Variants in NFS1 observed in about 807,000 individuals in gnomAD.
The protein encoded by NFS1 is NFS1 cysteine desulfurase, also known as cysteine desulfurase.
A neutral mutation model predicts 57.3 loss-of-function variants in NFS1; 26 were observed. The ratio of observed to expected loss-of-function variants is 0.45; its 90% CI spans 0.33 to 0.63. NFS1 has a LOEUF of 0.63. Among genes scored for constraint, NFS1 ranks in the 20% least tolerant of loss-of-function variants. The pLI, the probability that NFS1 is intolerant of heterozygous loss-of-function variation, is 0.02. For missense variants in NFS1, 505 were observed against 605.8 expected (o/e 0.83, Z 1.75); for synonymous variants, 209 against 216.3 (o/e 0.97, Z 0.30).
In NFS1 at chr20:35,699,179, G is replaced by A. The variant is rs1243017119; in HGVS notation, c.97+13C>T. 6 of 1,397,998 alleles carry A rather than the reference G, an allele frequency of 4.3e-6. No individual in the cohort carries two copies. Among genetic ancestry groups the A allele is most frequent in the Non-Finnish European group, 5.5e-6 (6 of 1,086,174 alleles). The allele number at this position is 1,397,998 out of a possible 1,614,324, so 86.6% of individuals were successfully genotyped here. On this transcript the variant is annotated intron_variant, in intron 1 of 12. Coordinates refer to ENST00000374092, the MANE Select transcript of NFS1 (RefSeq NM_021100.5). This position sits in a 1 kb window ranked among gnomAD's most constrained non-coding sequence, Gnocchi z 4.4. The stretch of plus-strand genomic sequence containing the variant: ...CAGGTCCGCGCCTCCCGGAGAGCGG[G>A]ACCCGAGCGTACCGCGCAGGCGCAG...
intron 4 of NFS1, among the ~76,000 whole-genome samples, chr20:35,694,390 C>A (rs767713676): frequency 6.6e-6 from 1 of 152,046 alleles, no homozygotes; most frequent in Non-Finnish European, 1.5e-5. Flanking sequence ...GATGATCTGC[C>A]GGTCTCAGCC....
chr20:35,669,914 A>G, intron 12 of NFS1, among the ~76,000 whole-genome samples: 1 of 152,192 alleles, frequency 6.6e-6, no homozygotes. Flanking sequence ...AGGAATAACT[A>G]GGTTCCTCAG....
At chr20:35,680,948 T>G (rs537953004) in intron 6 of NFS1, 77 bp from the exon 7 acceptor site, 2 of 1,154,314 alleles carry the variant, frequency 1.7e-6, no homozygotes, top group African/African-American at 3.7e-5. Context: ...CACTGTGAAT[T>G]ATCTCCAATA....
intron 5 of NFS1, among the ~76,000 whole-genome samples, chr20:35,684,440 TA>T (rs2034905207): frequency 7.4e-6 from 1 of 135,548 alleles, no homozygotes; most frequent in African/African-American, 2.9e-5. Context: ...TAAAATAAAA[TA>T]AAATAAAATA....
chr20:35,671,807 T>C (rs1024907334), intron 12 of NFS1, among the ~76,000 whole-genome samples: 1 of 151,780 alleles, frequency 6.6e-6, no homozygotes, highest in African/African-American at 2.4e-5. Context: ...GGAGGATCAC[T>C]TGAGCTTGGG....
chr20:35,698,612 T>C (rs1255489363), intron 1 of NFS1, 22 bp from the exon 2 acceptor site: 10 of 1,575,470 alleles, frequency 6.3e-6, no homozygotes, highest in South Asian at 4.7e-5. Context: ...TGGAACGGAG[T>C]AGCCAAGTAA....
chr20:35,691,669 A>G lies in NFS1; in HGVS notation c.409-1104T>C, dbSNP rs2035042245. Among the ~76,000 whole-genome samples, 5 of 140,034 alleles carry G rather than the reference A, an allele frequency of 3.6e-5. No individual in the cohort carries two copies. The Admixed American group carries it at 3.9e-4, about 11-fold the overall frequency. The allele number at this position is 140,034 out of a possible 152,430, so 91.9% of individuals were successfully genotyped here. ...GGGAGGGGAATCACTTGAAATCAGG[A>G]GGCAGAGGTTGCAGTGAGCCAAGAG... is the stretch of plus-strand genomic sequence containing the variant. On this transcript the variant is annotated intron_variant, in intron 4 of 12. Coordinates refer to ENST00000374092, the MANE Select transcript of NFS1 (RefSeq NM_021100.5).
intron 7 of NFS1, among the ~76,000 whole-genome samples, chr20:35,677,333 A>T (rs2034769785): frequency 6.6e-6 from 1 of 152,012 alleles, no homozygotes; most frequent in Admixed American, 6.6e-5. Flanking sequence ...GAAGTTTGGG[A>T]CCAGCCTGAG....
Position 35,675,126 on chromosome 20 carries a change from C to G in NFS1, c.867G>C (p.Arg289=), listed in dbSNP as rs757439632. The part of the protein sequence containing the change: ...EALQSGGGQE[R]GMRSGTVPTP... ...TGGGCACTGTCCCAGACCGCATACC[C>G]CGCTCCTGCCCCCCTCCACTCTGCA... The change falls in exon 8 of 13, where the codon CGG becomes CGC. Residue 289 remains arginine, a synonymous_variant. Coordinates refer to ENST00000374092, the MANE Select transcript of NFS1 (RefSeq NM_021100.5). The G allele has an allele frequency of 1.2e-6, 2 of 1,614,030 alleles. No homozygotes were observed. The highest frequency in any genetic ancestry group is 8.5e-7 in the Non-Finnish European group (1 of 1,180,016).
In NFS1 at chr20:35,668,246, A is replaced by G. The variant is rs913215537; in HGVS notation, c.*1376T>C. The stretch of plus-strand genomic sequence containing the variant: ...CCAAACTTTAGCCCAGTGGCTTTCA[A>G]ACTTTCCTGTCCCCCTGCTACTGGC... On this transcript the variant is annotated 3_prime_UTR_variant, in exon 13 of 13. Coordinates refer to ENST00000374092, the MANE Select transcript of NFS1 (RefSeq NM_021100.5). 4 of 152,144 alleles carry G rather than the reference A, an allele frequency of 2.6e-5. No homozygotes were observed. Among genetic ancestry groups the G allele is most frequent in the African/African-American group, 9.7e-5 (4 of 41,418 alleles). The allele number at this position is 152,144 out of a possible 1,614,324, so 9.4% of individuals were successfully genotyped here. A position where few individuals can be genotyped will look rare whatever the true frequency, so the allele number is the denominator to read the frequency against.
Position 35,698,566 on chromosome 20 carries a change from G to A in NFS1, c.122C>T (p.Ala41Val). The change falls in exon 2 of 13, where the codon GCG becomes GTG. Residue 41 changes from alanine to valine, a missense_variant. Transcript: ENST00000374092. ...LRVGDRAPQS[A>V]VPADTAAAPE... ...GGCAGCGGCTGTATCTGCGGGAACC[G>A]CAGACTGAGGAGCACGGTCTCCAAC... is the stretch of plus-strand genomic sequence containing the variant. The A allele has an allele frequency of 6.2e-7, 1 of 1,613,060 alleles. No homozygotes were observed. Among genetic ancestry groups the A allele is most frequent in the East Asian group, 2.2e-5 (1 of 44,838 alleles).
chr20:35,692,568 C>CGTGGT (rs1356107200), intron 4 of NFS1, among the ~76,000 whole-genome samples: 1 of 138,892 alleles, frequency 7.2e-6, no homozygotes, highest in Non-Finnish European at 1.5e-5. Flanking sequence ...ATTAGCCTGG[C>CGTGGT]GTGGTGGTAC....
rs532275102 is a variant in NFS1 at position 35,686,622 on chromosome 20, T to C, written c.561+3791A>G. ...TTCATGTCAAAGGAAATGGGAAATC[T>C]CTCAAGATTTTTGAGTAAAGTGAGA... On this transcript the variant is annotated intron_variant, in intron 5 of 12. Coordinates refer to ENST00000374092, the MANE Select transcript of NFS1 (RefSeq NM_021100.5). Among the ~76,000 whole-genome samples the C allele has an allele frequency of 2.6e-5, 4 of 152,140 alleles. No homozygotes were observed. The South Asian group carries it at 8.3e-4, about 32-fold the overall frequency.
chr20:35,690,606 G>A (rs771576036), intron 4 of NFS1, 41 bp from the exon 5 acceptor site: 2 of 1,605,854 alleles, frequency 1.2e-6, no homozygotes, highest in East Asian at 4.5e-5. Context: ...AACATACTCA[G>A]AGAGACAGCA....
intron 12 of NFS1, among the ~76,000 whole-genome samples, chr20:35,671,053 G>T (rs2034644731): frequency 6.6e-6 from 1 of 152,146 alleles, no homozygotes; most frequent in South Asian, 2.1e-4. Context: ...TGGCTACTAG[G>T]GGAAGCCCTG....
Position 35,698,541 on chromosome 20 carries a change from G to A in NFS1, c.147C>T (p.Ala49=). The A allele has an allele frequency of 6.2e-7, 1 of 1,613,780 alleles. No individual in the cohort carries two copies. The highest frequency in any genetic ancestry group is 8.5e-7 in the Non-Finnish European group (1 of 1,179,870). The part of the protein sequence containing the change: ...QSAVPADTAA[A]PEVGPVLRPL... ...GTCGCAGCACTGGCCCCACCTCCGG[G>A]GCAGCGGCTGTATCTGCGGGAACCG... is the stretch of plus-strand genomic sequence containing the variant. Residue 49 remains alanine (A), a synonymous_variant, in exon 2 of 13, where the codon GCC becomes GCT. Coordinates refer to ENST00000374092, the MANE Select transcript of NFS1 (RefSeq NM_021100.5).
chr20:35,676,758 GAAAAAAA>G (rs746820595), intron 7 of NFS1, among the ~76,000 whole-genome samples: 1 of 18,136 alleles, frequency 5.5e-5, no homozygotes, highest in Non-Finnish European at 9.2e-5. Flanking sequence ...GAGAAAATCA[GAAAAAAA>G]AAAAAAAAAA....
intron 5 of NFS1, among the ~76,000 whole-genome samples, chr20:35,688,723 C>T (rs564958831): frequency 2.1e-5 from 3 of 140,894 alleles, no homozygotes; most frequent in Non-Finnish European, 4.6e-5. Flanking sequence ...AAAAGAAAGA[C>T]AGAGGGAGAG....
Position 35,680,794 on chromosome 20 carries a change from T to C in NFS1, c.733A>G (p.Asn245Asp). The C allele has an allele frequency of 6.3e-7, 1 of 1,581,940 alleles. No individual in the cohort carries two copies. The highest frequency in any genetic ancestry group is 8.6e-7 in the Non-Finnish European group (1 of 1,165,374). ...CTCATGAGATCAATTTTCATGTCAT[T>C]GACATCAAGTGGGATTTTTCCAACA... ...QAVGKIPLDV[N>D]DMKIDLMSIS... Residue 245 changes from asparagine to aspartate, a missense_variant, in exon 7 of 13, where the codon AAT becomes GAT. By Grantham distance (23) the Asn-to-Asp change is conservative. Transcript: ENST00000374092.
Sources: gnomAD v4.1 joint callset for allele counts (sites outside exome capture counted in the v4.1 genomes callset) on GRCh38, gnomAD v4.1.1 for gene constraint, Gnocchi (gnomAD v3.1) non-coding constraint, MANE v1.5 for transcripts, NCBI Gene and HGNC (gene_info 2026-07-23, HGNC 2026-07-21) for gene names.